MBTPS1: variants seen among roughly 807,000 people sequenced by gnomAD.
MBTPS1 encodes membrane bound transcription factor peptidase, site 1, also known as membrane-bound transcription factor site-1 protease.
Under a neutral mutation model 127.8 loss-of-function variants are expected in MBTPS1, and 94 were observed. The observed-to-expected ratio is 0.74, with a 90% CI of 0.62 to 0.87. The LOEUF (loss-of-function observed/expected upper bound fraction) is 0.87. Among genes scored for constraint, MBTPS1 ranks in the 40% least tolerant of loss-of-function variants. The pLI is 0.00. For missense variants in MBTPS1, 1,636 were observed against 1,353.2 expected (o/e 1.21, Z -3.28); for synonymous variants, 632 against 509.4 (o/e 1.24, Z -3.24).
rs914586855 is a variant in MBTPS1 at position 84,055,874 on chromosome 16, G to A, written c.2962+131C>T. Reference sequence around the variant, plus strand: ...GTTTGTGCCACAAAAGAAGCCAAGAGCCAAGGCCACCACAGCTCCCAGGAA... The same window carrying A: ...GTTTGTGCCACAAAAGAAGCCAAGAACCAAGGCCACCACAGCTCCCAGGAA... On this transcript the variant is annotated intron_variant, in intron 22 of 22. Coordinates refer to ENST00000343411, the MANE Select transcript of MBTPS1 (RefSeq NM_003791.4). 3 of 1,002,924 alleles carry A rather than the reference G, an allele frequency of 3.0e-6. No individual in the cohort carries two copies. In the South Asian group the frequency reaches 5.4e-5, roughly 18 times the overall value. 62.1% of individuals were successfully genotyped at this position (1,002,924 alleles called of 1,614,324 possible).
chr16:84,104,434 G>A (rs1341411750), intron 1 of MBTPS1, among the ~76,000 whole-genome samples: 1 of 152,086 alleles, frequency 6.6e-6, no homozygotes, highest in African/African-American at 2.4e-5. Context: ...CTACATTCCA[G>A]CCTGGGTGAC....
chr16:84,066,241 C>A (rs2085681481), intron 17 of MBTPS1, among the ~76,000 whole-genome samples: 1 of 152,162 alleles, frequency 6.6e-6, no homozygotes, highest in Non-Finnish European at 1.5e-5. Flanking sequence ...CTATTTGGGA[C>A]TACTACATAA....
In MBTPS1 at chr16:84,093,245, G is replaced by C; in HGVS notation, c.789C>G (p.Cys263Trp). Residue 263 changes from cysteine to tryptophan, a missense_variant, in exon 6 of 23, where the codon TGC becomes TGG. Cys to Trp is a radical substitution (Grantham distance 215). Transcript: ENST00000343411. ...VAGVIASMRECQGFAPDAELH... is the reference protein window; with the variant it reads ...VAGVIASMREWQGFAPDAELH... ...GTTCTGCATCTGGAGCAAATCCTTGGCACTCCCTCATGCTGGCTATCACAC... is the reference window on the plus strand; with the variant it reads ...GTTCTGCATCTGGAGCAAATCCTTGCCACTCCCTCATGCTGGCTATCACAC... 1 of 1,614,024 alleles carries C rather than the reference G, an allele frequency of 6.2e-7. No individual in the cohort carries two copies. The highest frequency in any genetic ancestry group is 8.5e-7 in the Non-Finnish European group (1 of 1,179,968).
At chr16:84,087,548 A>T in intron 8 of MBTPS1, 88 bp from the exon 9 acceptor site, 1 of 834,982 alleles carries the variant, frequency 1.2e-6, no homozygotes, top group Non-Finnish European at 1.9e-6. Flanking sequence ...AACCAGGGCG[A>T]ATACTCCCAG....
chr16:84,103,043 C>A (rs2086278668), intron 1 of MBTPS1, among the ~76,000 whole-genome samples: 1 of 152,104 alleles, frequency 6.6e-6, no homozygotes, highest in African/African-American at 2.4e-5. Flanking sequence ...AGCATGCGCA[C>A]AGATATCTTC....
chr16:84,075,910 T>C (rs1374992529), intron 11 of MBTPS1, among the ~76,000 whole-genome samples: 2 of 152,228 alleles, frequency 1.3e-5, no homozygotes, highest in Non-Finnish European at 2.9e-5. Flanking sequence ...GGATCGGCCA[T>C]GTGACTACAA....
rs2086263667 is a variant in MBTPS1 at position 84,101,985 on chromosome 16, C to G, written c.-202G>C. 1.8e-6 allele frequency: 1 copy of G among 543,880 alleles called. No homozygotes were observed. Among genetic ancestry groups the G allele is most frequent in the East Asian group, 3.0e-5 (1 of 32,930 alleles). 33.7% of individuals were successfully genotyped at this position (543,880 alleles called of 1,614,324 possible). ...AGAGAGGCTTTCATTTCTTTCTCCGCTTCTTCTCCATCTTGGAAATAAGGC... is the reference window on the plus strand; with the variant it reads ...AGAGAGGCTTTCATTTCTTTCTCCGGTTCTTCTCCATCTTGGAAATAAGGC... On this transcript the variant is annotated 5_prime_UTR_variant, in exon 2 of 23. Coordinates refer to ENST00000343411, the MANE Select transcript of MBTPS1 (RefSeq NM_003791.4).
At chr16:84,093,942 C>G (rs1241117557) in intron 4 of MBTPS1, 121 bp from the exon 5 acceptor site, 1 of 731,058 alleles carries the variant, frequency 1.4e-6, no homozygotes, top group African/African-American at 1.7e-5. Context: ...AAGGCCAAAG[C>G]TGCTCAGAGC....
At position 84,099,189 on chromosome 16, in the gene MBTPS1, A is replaced by G. The variant is rs1263290438; in HGVS notation, c.285T>C (p.Ser95=). The G allele has an allele frequency of 8.7e-6, 14 of 1,614,066 alleles. No individual in the cohort carries two copies. The highest frequency in any genetic ancestry group is 1.6e-4 in the Middle Eastern group (1 of 6,084). Reference sequence around the variant, plus strand: ...TCACCTCAAAATCACTAGGGTAGTCACTGGATGGATTGTTTCGAGGTATAA... The same window carrying G: ...TCACCTCAAAATCACTAGGGTAGTCGCTGGATGGATTGTTTCGAGGTATAA... The part of the protein sequence containing the change: ...WRIIPRNNPS[S]DYPSDFEVIQ... The change falls in exon 3 of 23, where the codon AGT becomes AGC. Residue 95 remains serine (S), a synonymous_variant. Transcript: ENST00000343411.
At chr16:84,112,727 C>A (rs1326947645) in intron 1 of MBTPS1, among the ~76,000 whole-genome samples, 3 of 149,732 alleles carry the variant, frequency 2.0e-5, no homozygotes, top group Non-Finnish European at 4.4e-5. Context: ...ATAACCCCAG[C>A]ACTGTGGGAG....
At chr16:84,107,731 G>A (rs1179644968) in intron 1 of MBTPS1, among the ~76,000 whole-genome samples, 1 of 150,750 alleles carries the variant, frequency 6.6e-6, no homozygotes, top group Non-Finnish European at 1.5e-5. Context: ...TTGAGACAGG[G>A]TCCCGCTTGG....
At chr16:84,091,904 G>C (rs2151162951) in intron 6 of MBTPS1, 56 bp from the exon 7 acceptor site, 1 of 1,013,164 alleles carries the variant, frequency 9.9e-7, no homozygotes, top group Non-Finnish European at 1.6e-6. Context: ...TAAAGTGCTA[G>C]GACAGTTTTT....
At chr16:84,070,873 C>A in intron 12 of MBTPS1, 97 bp from the exon 13 acceptor site, 1 of 932,136 alleles carries the variant, frequency 1.1e-6, no homozygotes, top group African/African-American at 1.7e-5. Flanking sequence ...AAACTGGTTC[C>A]GAGAAATACT....
intron 3 of MBTPS1, among the ~76,000 whole-genome samples, chr16:84,097,248 G>T (rs1187964530): frequency 1.3e-5 from 2 of 152,192 alleles, no homozygotes; most frequent in East Asian, 1.9e-4. Flanking sequence ...CCTTCTACGA[G>T]TAACAGCCAG....
intron 1 of MBTPS1, among the ~76,000 whole-genome samples, chr16:84,113,271 A>G (rs1029377870): frequency 1.3e-5 from 2 of 152,234 alleles, no homozygotes; most frequent in African/African-American, 2.4e-5. Context: ...ACTAAATGTT[A>G]ACTGGATTTA....
At chr16:84,087,312 G>A (rs767782003) in intron 9 of MBTPS1, 46 bp downstream of exon 9, 8 of 1,459,322 alleles carry the variant, frequency 5.5e-6, no homozygotes, top group Admixed American at 1.7e-5. Flanking sequence ...ACTAGCCACA[G>A]TAGTTTGTCC....
chr16:84,074,659 G>A lies in MBTPS1; in HGVS notation c.1531C>T (p.Pro511Ser). ...AGGATGGTGACATTAACAACTGTCG[G>A]CATTCCTCCATAGTAGATGGGCTGG... ...CSQPIYYGGM[P>S]TVVNVTILNG... Residue 511 changes from proline (P) to serine (S), a missense_variant, in exon 12 of 23, where the codon CCG becomes TCG. By Grantham distance (74) the Pro-to-Ser change is moderately conservative (BLOSUM62 -1). Transcript: ENST00000343411. 6.2e-7 allele frequency: 1 copy of A among 1,614,080 alleles called. No individual in the cohort carries two copies. Among genetic ancestry groups the A allele is most frequent in the South Asian group, 1.1e-5 (1 of 91,082 alleles).
chr16:84,106,030 C>T (rs1230118396), intron 1 of MBTPS1, among the ~76,000 whole-genome samples: 1 of 152,172 alleles, frequency 6.6e-6, no homozygotes, highest in African/African-American at 2.4e-5. Flanking sequence ...CACGATGGGT[C>T]ACACCTGTAA....
At chr16:84,081,501 A>G in intron 11 of MBTPS1, 5 of 309,928 alleles carry the variant, frequency 1.6e-5, no homozygotes, top group Non-Finnish European at 2.9e-5. Flanking sequence ...CAACAAAAGC[A>G]AAAAAACCAC....
Sources: allele counts gnomAD v4.1 joint callset (sites outside exome capture counted in the v4.1 genomes callset), GRCh38; gene constraint gnomAD v4.1.1; transcripts MANE v1.5; gene names NCBI Gene and HGNC (gene_info 2026-07-23, HGNC 2026-07-21).